Variants in PACSIN3 observed in about 807,000 individuals in gnomAD.
The protein encoded by PACSIN3 is protein kinase C and casein kinase substrate in neurons protein 3.
In PACSIN3, 34 loss-of-function variants were observed where a neutral mutation model predicts 56.1. The observed-to-expected ratio is 0.61, with a 90% CI of 0.46 to 0.81. The LOEUF (loss-of-function observed/expected upper bound fraction) is 0.81. Among genes scored for constraint, PACSIN3 ranks in the 30% least tolerant of loss-of-function variants. The pLI is 0.00. For synonymous variants in PACSIN3, 218 were observed against 229.8 expected, an observed-to-expected ratio of 0.95 and a Z score of 0.46; for missense variants, 535 against 592.4, an observed-to-expected ratio of 0.90 and a Z score of 1.01.
At position 47,178,871 on chromosome 11, in the gene PACSIN3, A is replaced by G; in HGVS notation, c.1037+23T>C. The stretch of plus-strand genomic sequence containing the variant: ...CGGGAGGCAGAGCTGTTTCTTTGCC[A>G]CAGCCGCGCTCCTGGCTCTCACCCT... On this transcript the variant is annotated intron_variant, in intron 9 of 10. Coordinates refer to ENST00000298838, the MANE Select transcript of PACSIN3 (RefSeq NM_016223.5). The surrounding 1 kb of genome is among the most constrained non-coding windows in gnomAD (Gnocchi z 4.2). 2 of 1,613,068 alleles carry G rather than the reference A, an allele frequency of 1.2e-6. No individual in the cohort carries two copies. The highest frequency in any genetic ancestry group is 1.7e-6 in the Non-Finnish European group (2 of 1,179,778).
intron 6 of PACSIN3, among the ~76,000 whole-genome samples, 163 bp downstream of exon 6, chr11:47,180,023 C>A (rs1952984541): frequency 6.6e-6 from 1 of 152,204 alleles, no homozygotes; most frequent in African/African-American, 2.4e-5. Flanking sequence ...AAAGCATCAC[C>A]TTTTGTCAGG....
rs762792007 is a variant in PACSIN3 at position 47,182,382 on chromosome 11, C to T, written c.211+21G>A. 1.9e-6 allele frequency: 3 copies of T among 1,584,802 alleles called. No individual in the cohort carries two copies. The African/African-American group carries it at 4.0e-5, about 21-fold the overall frequency. On this transcript the variant is annotated intron_variant, in intron 4 of 10. Transcript: ENST00000298838. ...GTCCTGCACTCAGCTGCCCTCTGCC[C>T]CCTGCGAGGGCCTGGCTCACCCTTC...
At position 47,180,989 on chromosome 11, in the gene PACSIN3, A is replaced by G. The variant is rs552546340; in HGVS notation, c.212-299T>C. On this transcript the variant is annotated intron_variant, in intron 4 of 10. Transcript: ENST00000298838. Reference sequence around the variant, plus strand: ...CTACAACAGGAGCTGAGGGCCGGGCACAGTGGCTCACTCCTGTAATCCCAG... The same window carrying G: ...CTACAACAGGAGCTGAGGGCCGGGCGCAGTGGCTCACTCCTGTAATCCCAG... Among the ~76,000 whole-genome samples the G allele has an allele frequency of 2.0e-3, 308 of 152,326 alleles. 1 individual carries two copies. The highest frequency in any genetic ancestry group is 2.9e-3 in the South Asian group (14 of 4,830).
Position 47,177,837 on chromosome 11 carries a change from A to C in PACSIN3, c.*94T>G. 1.1e-6 allele frequency: 1 copy of C among 940,312 alleles called. No homozygotes were observed. The allele number at this position is 940,312 out of a possible 1,614,324, so 58.2% of individuals were successfully genotyped here. A position where few individuals can be genotyped will look rare whatever the true frequency, so the allele number is the denominator to read the frequency against. The stretch of plus-strand genomic sequence containing the variant: ...TCAAGGGACAGAGGAGCAGCCAGAG[A>C]GCGACGGTTCAGGGCCCTGAGGGTC... On this transcript the variant is annotated 3_prime_UTR_variant, in exon 11 of 11. Transcript: ENST00000298838.
chr11:47,177,854 C>A lies in PACSIN3; in HGVS notation c.*77G>T. 1.7e-6 allele frequency: 2 copies of A among 1,164,308 alleles called. No homozygotes were observed. The highest frequency in any genetic ancestry group is 2.6e-6 in the Non-Finnish European group (2 of 775,064). The allele number at this position is 1,164,308 out of a possible 1,614,324, so 72.1% of individuals were successfully genotyped here. Reference sequence around the variant, plus strand: ...AGCCAGAGAGCGACGGTTCAGGGCCCTGAGGGTCCGGCTCTCCAGGAGAAG... The same window carrying A: ...AGCCAGAGAGCGACGGTTCAGGGCCATGAGGGTCCGGCTCTCCAGGAGAAG... On this transcript the variant is annotated 3_prime_UTR_variant, in exon 11 of 11. Coordinates refer to ENST00000298838, the MANE Select transcript of PACSIN3 (RefSeq NM_016223.5).
rs1952957440 is a variant in PACSIN3, at chr11:47,178,951, C to A, written c.980G>T (p.Ser327Ile). 2.5e-6 allele frequency: 4 copies of A among 1,614,080 alleles called. No homozygotes were observed. Among genetic ancestry groups the A allele is most frequent in the Non-Finnish European group, 3.4e-6 (4 of 1,180,022 alleles). Residue 327 changes from serine (S) to isoleucine (I), a missense_variant, in exon 9 of 11, where the codon AGC (serine) becomes ATC (isoleucine). Physicochemically the swap from Ser to Ile is moderately radical, Grantham distance 142. Transcript: ENST00000298838. This position sits in a 1 kb window ranked among gnomAD's most constrained non-coding sequence, Gnocchi z 4.2. ...GRSPDEVTLT[S>I]IVPTRDGTAP... ...GGTGCCATCTCTTGTAGGCACAATG[C>A]TGGTCAGGGTAACCTCATCAGGGCT... is the stretch of plus-strand genomic sequence containing the variant.
Position 47,178,972 on chromosome 11 carries a change from G to A in PACSIN3, c.959C>T (p.Pro320Leu). 1.2e-6 allele frequency: 2 copies of A among 1,614,076 alleles called. No homozygotes were observed. The highest frequency in any genetic ancestry group is 1.1e-5 in the South Asian group (1 of 91,082). ...AATGCTGGTCAGGGTAACCTCATCA[G>A]GGCTCCGGCCACCCTTCTCTTTCCG... ...ISRKEKGGRS[P>L]DEVTLTSIVP... The change falls in exon 9 of 11, where the codon CCT (proline) becomes CTT (leucine). Residue 320 changes from proline to leucine, a missense_variant. Transcript: ENST00000298838. The surrounding 1 kb of genome is among the most constrained non-coding windows in gnomAD (Gnocchi z 4.2).
At chr11:47,181,033 C>T (rs192828504) in intron 4 of PACSIN3, among the ~76,000 whole-genome samples, 47 of 151,568 alleles carry the variant, frequency 3.1e-4, no homozygotes, top group African/African-American at 9.2e-4. Context: ...GAGGCCAAGG[C>T]GGGTGGATCA....
intron 4 of PACSIN3, among the ~76,000 whole-genome samples, chr11:47,181,433 C>G (rs759169828): frequency 3.3e-5 from 5 of 152,206 alleles, no homozygotes; most frequent in Non-Finnish European, 7.3e-5. Flanking sequence ...TTCAGCACTT[C>G]CTAGCTGTGT....
intron 1 of PACSIN3, among the ~76,000 whole-genome samples, chr11:47,184,873 C>A (rs187247979): frequency 1.2e-4 from 18 of 152,326 alleles, no homozygotes; most frequent in Admixed American, 2.0e-4. Flanking sequence ...AGCTGCCCCC[C>A]ACCCCTTCCC....
At position 47,178,916 on chromosome 11, in the gene PACSIN3, G is replaced by A. The variant is rs1185667942; in HGVS notation, c.1015C>T (p.Pro339Ser). The A allele has an allele frequency of 6.2e-7, 1 of 1,614,006 alleles. No homozygotes were observed. The highest frequency in any genetic ancestry group is 8.5e-7 in the Non-Finnish European group (1 of 1,180,018). Reference sequence around the variant, plus strand: ...CACCCTGGGGACCCCGGGGACTGGGGTGGGGGTGCGGTGCCATCTCTTGTA... The same window carrying A: ...CACCCTGGGGACCCCGGGGACTGGGATGGGGGTGCGGTGCCATCTCTTGTA... The part of the protein sequence containing the change: ...VPTRDGTAPP[P>S]QSPGSPGTGQ... Residue 339 changes from proline to serine, a missense_variant, in exon 9 of 11, where the codon CCC (proline) becomes TCC (serine). Physicochemically the swap from Pro to Ser is moderately conservative, Grantham distance 74. Transcript: ENST00000298838. The surrounding 1 kb of genome is among the most constrained non-coding windows in gnomAD (Gnocchi z 4.2).
At chr11:47,181,011 C>G (rs940956404) in intron 4 of PACSIN3, among the ~76,000 whole-genome samples, 7 of 151,948 alleles carry the variant, frequency 4.6e-5, no homozygotes, top group Non-Finnish European at 7.4e-5. Context: ...TCCTGTAATC[C>G]CAGCACTTTG....
intron 4 of PACSIN3, among the ~76,000 whole-genome samples, chr11:47,181,907 C>T (rs911559075): frequency 6.6e-6 from 1 of 151,966 alleles, no homozygotes; most frequent in Non-Finnish European, 1.5e-5. Flanking sequence ...AATCCCAGCA[C>T]TTGGGGAGGC....
Position 47,178,371 on chromosome 11 carries a change from C to T in PACSIN3, c.1154G>A (p.Arg385Gln), listed in dbSNP as rs181415345. ...AGQEADELSF[R>Q]AGEELLKMSE... Reference sequence around the variant, plus strand: ...GGAAAGGGGTCCCAGGGTACCTGCTCGGAAGCTCAGCTCATCAGCTTCCTG... The same window carrying T: ...GGAAAGGGGTCCCAGGGTACCTGCTTGGAAGCTCAGCTCATCAGCTTCCTG... Residue 385 changes from arginine (R) to glutamine (Q), a missense_variant, in exon 10 of 11, where the codon CGA (arginine) becomes CAA (glutamine). Physicochemically the swap from Arg to Gln is conservative, Grantham distance 43. Transcript: ENST00000298838. This position sits in a 1 kb window ranked among gnomAD's most constrained non-coding sequence, Gnocchi z 4.2. 1.2e-5 allele frequency: 20 copies of T among 1,613,816 alleles called. No homozygotes were observed. Among genetic ancestry groups the T allele is most frequent in the Non-Finnish European group, 1.5e-5 (18 of 1,179,942 alleles).
rs200299331 is a variant in PACSIN3, at chr11:47,178,877, G to T, written c.1037+17C>A. Reference sequence around the variant, plus strand: ...GCAGAGCTGTTTCTTTGCCACAGCCGCGCTCCTGGCTCTCACCCTGGGGAC... The same window carrying T: ...GCAGAGCTGTTTCTTTGCCACAGCCTCGCTCCTGGCTCTCACCCTGGGGAC... On this transcript the variant is annotated intron_variant, in intron 9 of 10. Transcript: ENST00000298838. The surrounding 1 kb of genome is among the most constrained non-coding windows in gnomAD (Gnocchi z 4.2). The T allele has an allele frequency of 8.1e-6, 13 of 1,613,406 alleles. No individual in the cohort carries two copies. In the Admixed American group the frequency reaches 1.5e-4, roughly 19 times the overall value.
rs1178272494 is a variant in PACSIN3, at chr11:47,178,329, G to A, written c.1159+37C>T. The stretch of plus-strand genomic sequence containing the variant: ...CTGACACCCCTGCTCAGGCAGATAA[G>A]GCAGAGGCTGAAGCTAGGAAAGGGG... On this transcript the variant is annotated intron_variant, in intron 10 of 10. Transcript: ENST00000298838. The surrounding 1 kb of genome is among the most constrained non-coding windows in gnomAD (Gnocchi z 4.2). 5.0e-6 allele frequency: 8 copies of A among 1,610,518 alleles called. 1 individual carries two copies. In the South Asian group the frequency reaches 7.7e-5, roughly 16 times the overall value.
chr11:47,182,728 G>A lies in PACSIN3; in HGVS notation c.-1C>T, dbSNP rs745552400. ...CTCCAGCGTCCTCTTCTGGAGCCAT[G>A]GTGTCCCCGCAGCACGGAATGGTGG... is the stretch of plus-strand genomic sequence containing the variant. On this transcript the variant is annotated 5_prime_UTR_variant, in exon 3 of 11. Transcript: ENST00000298838. 1 of 1,612,016 alleles carries A rather than the reference G, an allele frequency of 6.2e-7. No homozygotes were observed. The highest frequency in any genetic ancestry group is 1.3e-5 in the African/African-American group (1 of 74,866).
In PACSIN3 at chr11:47,178,430, C is replaced by CTT. The variant is rs1460352557; in HGVS notation, c.1094_1095insAA (p.Val366ArgfsTer4). 10 of 1,614,048 alleles carry CTT rather than the reference C, an allele frequency of 6.2e-6. No homozygotes were observed. The highest frequency in any genetic ancestry group is 8.5e-6 in the Non-Finnish European group (10 of 1,180,028). ...AGTCATAGAGTGCCCTCACCCGAAC[C>CTT]CCGGTGGCAGCCTTCCGGGGACTCT... On this transcript the variant is annotated frameshift_variant, in exon 10 of 11. Transcript: ENST00000298838. LOFTEE classifies it high-confidence loss of function. This position sits in a 1 kb window ranked among gnomAD's most constrained non-coding sequence, Gnocchi z 4.2.
At position 47,179,092 on chromosome 11, in the gene PACSIN3, C is replaced by G; in HGVS notation, c.901-62G>C. On this transcript the variant is annotated intron_variant, in intron 8 of 10. Transcript: ENST00000298838. This position sits in a 1 kb window ranked among gnomAD's most constrained non-coding sequence, Gnocchi z 4.4. The stretch of plus-strand genomic sequence containing the variant: ...TGAACCACCTTCACTTACTTCATCC[C>G]TAGCCCTGGCCGAGCTGAGTGGGAG... The G allele has an allele frequency of 6.2e-7, 1 of 1,613,840 alleles. No homozygotes were observed. Among genetic ancestry groups the G allele is most frequent in the South Asian group, 1.1e-5 (1 of 91,088 alleles).
Sources: allele counts gnomAD v4.1 joint callset (sites outside exome capture counted in the v4.1 genomes callset), GRCh38; gene constraint gnomAD v4.1.1; non-coding constraint Gnocchi (gnomAD v3.1); transcripts MANE v1.5; gene names NCBI Gene and HGNC (gene_info 2026-07-23, HGNC 2026-07-21).